PIPOX: variants seen among roughly 807,000 people sequenced by gnomAD.
The protein encoded by PIPOX is pipecolic acid and sarcosine oxidase.
PIPOX carries 45 observed loss-of-function variants against 47.9 expected under a neutral mutation model. That is an observed-to-expected ratio of 0.94 (90% confidence interval 0.74 to 1.20). The LOEUF is 1.20. PIPOX is among the 50% of genes most tolerant of loss of function. PIPOX has a pLI of 0.00. For missense variants in PIPOX, 458 were observed against 498.4 expected (o/e 0.92, Z 0.77); for synonymous variants, 165 against 191.3 (o/e 0.86, Z 1.13).
In PIPOX at chr17:29,053,045, C is replaced by G. The variant is rs17856771; in HGVS notation, c.389C>G (p.Pro130Arg). ...LSSEELKQRF[P>R]NIRLPRGEVG... ...TCTGAGGAACTGAAGCAACGTTTCC[C>G]AAATATTCGGTTGCCCAGGGGAGAA... Residue 130 changes from proline to arginine, a missense_variant, in exon 3 of 8, where the codon CCA (proline) becomes CGA (arginine). Physicochemically the swap from Pro to Arg is moderately radical, Grantham distance 103. Coordinates refer to ENST00000323372, the MANE Select transcript of PIPOX (RefSeq NM_016518.3). The G allele has an allele frequency of 6.2e-7, 1 of 1,614,102 alleles. No homozygotes were observed. Among genetic ancestry groups the G allele is most frequent in the East Asian group, 2.2e-5 (1 of 44,890 alleles).
intron 1 of PIPOX, 140 bp from the exon 2 acceptor site, chr17:29,044,719 A>G: frequency 1.1e-6 from 1 of 875,858 alleles, no homozygotes; most frequent in Admixed American, 3.2e-5. Context: ...CTTCCTGTGC[A>G]TAATCCTTCC....
chr17:29,045,067 G>T (rs1898690031), intron 2 of PIPOX, 60 bp downstream of exon 2: 1 of 1,506,758 alleles, frequency 6.6e-7, no homozygotes, highest in African/African-American at 1.4e-5. Context: ...TACTTTTAGT[G>T]TGTGAAGTGG....
intron 1 of PIPOX, chr17:29,044,284 A>T (rs2065776859): frequency 6.6e-6 from 1 of 152,122 alleles, no homozygotes; most frequent in South Asian, 2.1e-4. Context: ...GGTTTTTTCT[A>T]ATTTTGCTTC....
intron 2 of PIPOX, among the ~76,000 whole-genome samples, chr17:29,045,403 C>CTTTTTTTTT (rs57047541): frequency 1.4e-4 from 7 of 50,982 alleles, no homozygotes; most frequent in Non-Finnish European, 2.1e-4. Context: ...CAGGAGGATT[C>CTTTTTTTTT]TTTTTTTTTT....
intron 2 of PIPOX, among the ~76,000 whole-genome samples, chr17:29,051,357 C>T (rs973997282): frequency 6.6e-6 from 1 of 152,196 alleles, no homozygotes; most frequent in African/African-American, 2.4e-5. Flanking sequence ...TGTACTGACA[C>T]CCGCCCCAGG....
chr17:29,043,402 G>T lies in PIPOX; in HGVS notation c.114+63G>T, dbSNP rs926697594. ...GTCCTACCCTCCTCCCCTGCAGAAG[G>T]GTTTTCAGAGCCAGCAGGCTACAGG... On this transcript the variant is annotated intron_variant, in intron 1 of 7. Transcript: ENST00000323372. 1.1e-5 allele frequency: 13 copies of T among 1,208,686 alleles called. No individual in the cohort carries two copies. The East Asian group carries it at 3.1e-4, about 29-fold the overall frequency. The allele number at this position is 1,208,686 out of a possible 1,614,324, so 74.9% of individuals were successfully genotyped here.
chr17:29,057,104 T>C lies in PIPOX; in HGVS notation c.*799T>C, dbSNP rs955371525. ...TGATCTCAGAGATCACTACTGCTCT[T>C]GGAGTTCCTTCTCCTAAAGCTAAGG... On this transcript the variant is annotated 3_prime_UTR_variant, in exon 8 of 8. Coordinates refer to ENST00000323372, the MANE Select transcript of PIPOX (RefSeq NM_016518.3). 2 of 152,246 alleles carry C rather than the reference T, an allele frequency of 1.3e-5. No individual in the cohort carries two copies. The highest frequency in any genetic ancestry group is 2.9e-5 in the Non-Finnish European group (2 of 68,040). 9.4% of individuals were successfully genotyped at this position (152,246 alleles called of 1,614,324 possible).
Position 29,047,298 on chromosome 17 carries a change from GA to G in PIPOX, c.263+2300del, listed in dbSNP as rs1004843707. Among the ~76,000 whole-genome samples the G allele has an allele frequency of 1.8e-3, 265 of 150,354 alleles. 1 individual carries two copies. Among genetic ancestry groups the G allele is most frequent in the African/African-American group, 6.1e-3 (252 of 40,978 alleles). ...TGACAGAGTGAGACTCCGTCTCAAA[GA>G]AAAAAAAAGAAAAGAAAAGAAAAGA... On this transcript the variant is annotated intron_variant, in intron 2 of 7. Transcript: ENST00000323372.
intron 2 of PIPOX, chr17:29,046,912 G>A: frequency 4.2e-6 from 1 of 236,310 alleles, no homozygotes; most frequent in Non-Finnish European, 6.9e-6. Flanking sequence ...GTGCTGGGGT[G>A]AGGATAAGTA....
At chr17:29,047,303 A>G (rs946483443) in intron 2 of PIPOX, among the ~76,000 whole-genome samples, 2 of 152,028 alleles carry the variant, frequency 1.3e-5, no homozygotes, top group Non-Finnish European at 2.9e-5. Flanking sequence ...TCAAAGAAAA[A>G]AAAAGAAAAG....
rs528183667 is a variant in PIPOX, at chr17:29,053,283, C to T, written c.478-130C>T. ...TTCCAGCAGGGCAGTGAAATATATGCGGCTGGCCTTGTCAATACAGGACAG... is the reference window on the plus strand; with the variant it reads ...TTCCAGCAGGGCAGTGAAATATATGTGGCTGGCCTTGTCAATACAGGACAG... On this transcript the variant is annotated intron_variant, in intron 3 of 7. Coordinates refer to ENST00000323372, the MANE Select transcript of PIPOX (RefSeq NM_016518.3). 2.5e-4 allele frequency: 294 copies of T among 1,179,380 alleles called. 3 individuals are homozygous for T. The highest frequency in any genetic ancestry group is 7.8e-4 in the Admixed American group (36 of 45,900). The allele number at this position is 1,179,380 out of a possible 1,614,324, so 73.1% of individuals were successfully genotyped here. A position where few individuals can be genotyped will look rare whatever the true frequency, so the allele number is the denominator to read the frequency against.
chr17:29,047,900 A>G (rs1457164950), intron 2 of PIPOX, among the ~76,000 whole-genome samples: 1 of 152,218 alleles, frequency 6.6e-6, no homozygotes, highest in Non-Finnish European at 1.5e-5. Context: ...ATGCATTTAA[A>G]GACAGGGAAA....
At chr17:29,043,960 C>T (rs987876315) in intron 1 of PIPOX, among the ~76,000 whole-genome samples, 3 of 152,198 alleles carry the variant, frequency 2.0e-5, no homozygotes, top group African/African-American at 7.2e-5. Flanking sequence ...TGTGTGTCTG[C>T]AGGGTCCTTC....
Position 29,046,209 on chromosome 17 carries a change from A to T in PIPOX, c.263+1202A>T, listed in dbSNP as rs148974474. On this transcript the variant is annotated intron_variant, in intron 2 of 7. Transcript: ENST00000323372. ...GCACCCAGCACCCAAATAAAGGAGC[A>T]TGTCTTGCTGGTGGGTGGCCCGGCA... Among the ~76,000 whole-genome samples the T allele has an allele frequency of 4.5e-3, 679 of 152,322 alleles. 4 individuals carry two copies. The highest frequency in any genetic ancestry group is 0.016 in the African/African-American group (659 of 41,574).
chr17:29,052,760 G>A (rs1202327782), intron 2 of PIPOX, among the ~76,000 whole-genome samples, 160 bp from the exon 3 acceptor site: 1 of 152,176 alleles, frequency 6.6e-6, no homozygotes. Flanking sequence ...GCAGAGACAG[G>A]GTCTCATGAT....
At chr17:29,049,113 C>T (rs1485421339) in intron 2 of PIPOX, among the ~76,000 whole-genome samples, 1 of 152,202 alleles carries the variant, frequency 6.6e-6, no homozygotes, top group African/African-American at 2.4e-5. Flanking sequence ...GTCAACAAGG[C>T]CCTCGGGAGG....
rs746630742 is a variant in PIPOX at position 29,053,111 on chromosome 17, A to G, written c.455A>G (p.Tyr152Cys). ...LDNSGGVIYA[Y>C]KALRALQDAI... Reference sequence around the variant, plus strand: ...AATTCCGGAGGAGTTATCTATGCATATAAGGCCCTCAGAGCCCTGCAGGTA... The same window carrying G: ...AATTCCGGAGGAGTTATCTATGCATGTAAGGCCCTCAGAGCCCTGCAGGTA... The change falls in exon 3 of 8, where the codon TAT becomes TGT. Residue 152 changes from tyrosine to cysteine, a missense_variant. Coordinates refer to ENST00000323372, the MANE Select transcript of PIPOX (RefSeq NM_016518.3). 9.9e-6 allele frequency: 16 copies of G among 1,614,020 alleles called. No homozygotes were observed. Among genetic ancestry groups the G allele is most frequent in the African/African-American group, 6.7e-5 (5 of 74,936 alleles).
chr17:29,054,298 C>CT (rs1240437143), intron 4 of PIPOX, among the ~76,000 whole-genome samples: 4 of 152,238 alleles, frequency 2.6e-5, no homozygotes, highest in African/African-American at 7.2e-5. Context: ...AGAAATATGG[C>CT]TGGGGGCTGG....
At chr17:29,050,679 C>T (rs2065802479) in intron 2 of PIPOX, among the ~76,000 whole-genome samples, 1 of 152,030 alleles carries the variant, frequency 6.6e-6, no homozygotes, top group Non-Finnish European at 1.5e-5. Context: ...TTTCTATACA[C>T]ACAAAAAATT....
Sources: allele counts gnomAD v4.1 joint callset (sites outside exome capture counted in the v4.1 genomes callset), GRCh38; gene constraint gnomAD v4.1.1; transcripts MANE v1.5; gene names NCBI Gene and HGNC (gene_info 2026-07-23, HGNC 2026-07-21).